Variants in DNAH12 observed in about 807,000 individuals in gnomAD.
DNAH12 encodes dynein axonemal heavy chain 12.
In DNAH12, 285 loss-of-function variants were observed where a neutral mutation model predicts 371.5. The observed-to-expected ratio is 0.77, with a 90% CI of 0.70 to 0.85. DNAH12 has a LOEUF of 0.85. DNAH12 is among the 40% of genes least tolerant of loss of function. The probability of loss-of-function intolerance (pLI) is 0.00; values close to 1 mark genes in which losing one functional copy is unlikely to be tolerated. For synonymous variants in DNAH12, 1,200 were observed against 1,213.0 expected, an observed-to-expected ratio of 0.99 and a Z score of 0.22; for missense variants, 3,611 against 3,689.4, an observed-to-expected ratio of 0.98 and a Z score of 0.55.
At position 57,433,385 on chromosome 3, in the gene DNAH12, T is replaced by C. The variant is rs779683357; in HGVS notation, c.4962A>G (p.Val1654=). ...DTLWIESMNT[V]LDDNKKLCLM... ...GATTTACCTTTTTATTATCATCCAATACTGTGTTCATGCTCTCTATCCACA... is the reference window on the plus strand; with the variant it reads ...GATTTACCTTTTTATTATCATCCAACACTGTGTTCATGCTCTCTATCCACA... The change falls in exon 32 of 74, where the codon GTA becomes GTG. Residue 1654 remains valine (V), a synonymous_variant. Coordinates refer to ENST00000495027, the MANE Select transcript of DNAH12 (RefSeq NM_001366028.2). 6.4e-6 allele frequency: 10 copies of C among 1,551,044 alleles called. No homozygotes were observed. The highest frequency in any genetic ancestry group is 2.4e-5 in the South Asian group (2 of 83,872).
At chr3:57,519,259 T>C (rs980610667) in intron 4 of DNAH12, among the ~76,000 whole-genome samples, 1 of 152,248 alleles carries the variant, frequency 6.6e-6, no homozygotes, top group Non-Finnish European at 1.5e-5. Flanking sequence ...CTGCACTTTA[T>C]TTGTTACCAT....
At chr3:57,420,567 T>TCA (rs997437535) in intron 36 of DNAH12, among the ~76,000 whole-genome samples, 6 of 152,182 alleles carry the variant, frequency 3.9e-5, no homozygotes, top group African/African-American at 1.4e-4. Context: ...CTAGAGACCT[T>TCA]CACCTTCTCT....
chr3:57,524,413 A>C (rs916830600), intron 2 of DNAH12, among the ~76,000 whole-genome samples: 1 of 152,184 alleles, frequency 6.6e-6, no homozygotes, highest in Non-Finnish European at 1.5e-5. Context: ...AAAACTGTTA[A>C]GAGATTTTTT....
At chr3:57,339,120 G>T (rs996983244) in intron 60 of DNAH12, among the ~76,000 whole-genome samples, 2 of 152,078 alleles carry the variant, frequency 1.3e-5, no homozygotes, top group Non-Finnish European at 2.9e-5. Flanking sequence ...GTCAACTCAG[G>T]GTTAAATGGA....
At chr3:57,361,589 A>G (rs1433914578) in intron 58 of DNAH12, among the ~76,000 whole-genome samples, 1 of 151,486 alleles carries the variant, frequency 6.6e-6, no homozygotes, top group Non-Finnish European at 1.5e-5. Context: ...ACGAATGACA[A>G]GATAATGACG....
rs1413440555 is a variant in DNAH12, at chr3:57,433,843, AAAT to A, written c.4656-18_4656-16del. On this transcript the variant is annotated splice_polypyrimidine_tract_variant and intron_variant, in intron 30 of 73. Coordinates refer to ENST00000495027, the MANE Select transcript of DNAH12 (RefSeq NM_001366028.2). ...CTAACATAAAACTATGAAGGAAAAG[AAAT>A]AATTATACAATAAGAGTCTTTAAAG... 2 of 1,509,858 alleles carry A rather than the reference AAAT, an allele frequency of 1.3e-6. No homozygotes were observed. The allele number at this position is 1,509,858 out of a possible 1,614,324, so 93.5% of individuals were successfully genotyped here.
intron 65 of DNAH12, among the ~76,000 whole-genome samples, chr3:57,320,802 C>G (rs7620664): frequency 0.32 from 48,935 of 151,968 alleles, 8,739 homozygotes; most frequent in African/African-American, 0.46. Flanking sequence ...CTAGGGGAAT[C>G]GGATGCATAC....
chr3:57,397,254 TTAGAAAC>T (rs2063761798), intron 43 of DNAH12, among the ~76,000 whole-genome samples: 2 of 152,092 alleles, frequency 1.3e-5, no homozygotes, highest in South Asian at 4.1e-4. Flanking sequence ...TGTAAGGACT[TTAGAAAC>T]TAGTTAAGTG....
intron 40 of DNAH12, 42 bp from the exon 41 acceptor site, chr3:57,405,994 T>C: frequency 6.7e-7 from 1 of 1,499,206 alleles, no homozygotes; most frequent in Non-Finnish European, 9.0e-7. Context: ...AAAATGCTTA[T>C]AATCAGTAAA....
intron 39 of DNAH12, among the ~76,000 whole-genome samples, chr3:57,410,848 T>C (rs1436246303): frequency 6.7e-6 from 1 of 149,128 alleles, no homozygotes; most frequent in East Asian, 2.0e-4. Flanking sequence ...AACGTCCTAG[T>C]AAACTAGGAA....
intron 29 of DNAH12, among the ~76,000 whole-genome samples, chr3:57,443,986 C>T (rs2065395033): frequency 6.6e-6 from 1 of 152,088 alleles, no homozygotes; most frequent in African/African-American, 2.4e-5. Flanking sequence ...GGCAGATCAC[C>T]TGAGGCTGGG....
At chr3:57,504,743 CTAAT>C (rs1250274603) in intron 8 of DNAH12, among the ~76,000 whole-genome samples, 1 of 152,138 alleles carries the variant, frequency 6.6e-6, no homozygotes, top group Non-Finnish European at 1.5e-5. Flanking sequence ...TACAAACAAT[CTAAT>C]TATACTCTTT....
chr3:57,420,926 A>G (rs1272786612), intron 36 of DNAH12, among the ~76,000 whole-genome samples: 4 of 151,612 alleles, frequency 2.6e-5, no homozygotes, highest in Non-Finnish European at 4.4e-5. Context: ...AAAAAAAAAA[A>G]AAAAGAAAGA....
chr3:57,499,836 T>C (rs1184950038), intron 11 of DNAH12, among the ~76,000 whole-genome samples: 1 of 146,960 alleles, frequency 6.8e-6, no homozygotes, highest in African/African-American at 2.5e-5. Context: ...AGACCCTGTC[T>C]CAAAAAACAA....
chr3:57,510,010 GCATCAGTTAATTAGCT>G (rs1237688621), intron 5 of DNAH12, among the ~76,000 whole-genome samples: 1 of 151,046 alleles, frequency 6.6e-6, no homozygotes, highest in East Asian at 1.9e-4. Context: ...TGAAAAAAAT[GCATCAGTTAATTAGCT>G]CAATTTAGCT....
rs139788515 is a variant in DNAH12, at chr3:57,347,573, G to A, written c.9674+4512C>T. ...TCAATGAAAAATACAAAAATTAGCC[G>A]GGCTTGGTGGCAGGTGCCTGTAATT... is the stretch of plus-strand genomic sequence containing the variant. On this transcript the variant is annotated intron_variant, in intron 60 of 73. Coordinates refer to ENST00000495027, the MANE Select transcript of DNAH12 (RefSeq NM_001366028.2). 3.6e-3 allele frequency among the ~76,000 whole-genome samples: 544 copies of A among 151,956 alleles called. 4 individuals are homozygous for A. Among genetic ancestry groups the A allele is most frequent in the African/African-American group, 0.011 (469 of 41,452 alleles).
intron 2 of DNAH12, among the ~76,000 whole-genome samples, chr3:57,539,494 T>C (rs760555780): frequency 4.6e-5 from 7 of 152,196 alleles, no homozygotes; most frequent in Non-Finnish European, 1.0e-4. Context: ...CATGTTTACT[T>C]AGATGACAGT....
chr3:57,495,187 T>C (rs1445730978), intron 11 of DNAH12, among the ~76,000 whole-genome samples: 1 of 152,210 alleles, frequency 6.6e-6, no homozygotes, highest in East Asian at 1.9e-4. Context: ...TTGTATAATA[T>C]GTGAATTACT....
intron 63 of DNAH12, 40 bp downstream of exon 63, chr3:57,323,429 T>C: frequency 1.3e-6 from 2 of 1,496,788 alleles, no homozygotes; most frequent in Non-Finnish European, 8.9e-7. Context: ...CAAGATGTTT[T>C]ATTTATGATT....
Sources: allele counts gnomAD v4.1 joint callset (sites outside exome capture counted in the v4.1 genomes callset), GRCh38; gene constraint gnomAD v4.1.1; transcripts MANE v1.5; gene names NCBI Gene and HGNC (gene_info 2026-07-23, HGNC 2026-07-21).